Variants in ZRANB3 observed in about 807,000 individuals in gnomAD.
The protein encoded by ZRANB3 is zinc finger RANBP2-type containing 3.
In ZRANB3, 125 loss-of-function variants were observed where a neutral mutation model predicts 133.8. The observed-to-expected ratio is 0.93, with a 90% CI of 0.81 to 1.08. The LOEUF is 1.08. Among genes scored for constraint, ZRANB3 ranks in the 50% least tolerant of loss-of-function variants. The pLI is 0.00. For synonymous variants in ZRANB3, 387 were observed against 432.7 expected (o/e 0.89, Z 1.31); for missense variants, 1,229 against 1,275.5 (o/e 0.96, Z 0.56).
intron 2 of ZRANB3, among the ~76,000 whole-genome samples, chr2:135,453,287 G>T (rs534798613): frequency 6.6e-6 from 1 of 152,312 alleles, no homozygotes; most frequent in African/African-American, 2.4e-5. Flanking sequence ...GTGATGGGAG[G>T]GGCTGCTGTG....
intron 2 of ZRANB3, among the ~76,000 whole-genome samples, chr2:135,451,475 T>C (rs1237975633): frequency 1.3e-5 from 2 of 151,590 alleles, no homozygotes; most frequent in African/African-American, 4.9e-5. Context: ...AGCATGAGAA[T>C]CATTTAAACC....
chr2:135,447,602 G>A (rs750769398), intron 2 of ZRANB3, among the ~76,000 whole-genome samples: 9 of 152,140 alleles, frequency 5.9e-5, no homozygotes, highest in Non-Finnish European at 1.2e-4. Context: ...TCAGAATGAA[G>A]GGGTGGACTT....
At chr2:135,312,707 G>A (rs1683055888) in intron 8 of ZRANB3, among the ~76,000 whole-genome samples, 1 of 152,008 alleles carries the variant, frequency 6.6e-6, no homozygotes. Flanking sequence ...TAAAACCATG[G>A]GAATACTAAT....
At chr2:135,392,176 C>A (rs1289161477) in intron 2 of ZRANB3, among the ~76,000 whole-genome samples, 5 of 151,906 alleles carry the variant, frequency 3.3e-5, no homozygotes, top group African/African-American at 4.8e-5. Flanking sequence ...AGGCCAGGTA[C>A]AGTGGCTCAT....
At chr2:135,265,239 T>G (rs979230125) in intron 12 of ZRANB3, among the ~76,000 whole-genome samples, 2 of 152,194 alleles carry the variant, frequency 1.3e-5, no homozygotes, top group South Asian at 2.1e-4. Context: ...TATTTGCACA[T>G]TTTAAGGCAC....
At chr2:135,274,578 CT>C (rs911116887) in intron 9 of ZRANB3, among the ~76,000 whole-genome samples, 4 of 150,778 alleles carry the variant, frequency 2.7e-5, no homozygotes, top group South Asian at 2.1e-4. Context: ...GGCAGCATAT[CT>C]TTTTTTTTAG....
chr2:135,381,979 C>A (rs1558957476), intron 3 of ZRANB3, among the ~76,000 whole-genome samples: 1 of 152,198 alleles, frequency 6.6e-6, no homozygotes, highest in South Asian at 2.1e-4. Context: ...AGCAACAGAA[C>A]AAAGCTGGAC....
At position 135,402,828 on chromosome 2, in the gene ZRANB3, T is replaced by G. The variant is rs570836363; in HGVS notation, c.162-12008A>C. 1.8e-4 allele frequency among the ~76,000 whole-genome samples: 28 copies of G among 152,222 alleles called. 1 individual carries two copies. In the South Asian group the frequency reaches 3.7e-3, roughly 20 times the overall value. ...CTGGAACTCCTGACCTCAGGTGATC[T>G]ACCCACCTCAGCCTACCAAAGTGCG... On this transcript the variant is annotated intron_variant, in intron 2 of 20. Transcript: ENST00000264159.
intron 2 of ZRANB3, among the ~76,000 whole-genome samples, chr2:135,434,963 C>T (rs555971418): frequency 6.8e-6 from 1 of 147,164 alleles, no homozygotes; most frequent in Admixed American, 6.8e-5. Context: ...TCTTTTCTCT[C>T]TTTTTTTTTT....
intron 2 of ZRANB3, among the ~76,000 whole-genome samples, chr2:135,464,160 G>A (rs562987233): frequency 3.3e-5 from 5 of 152,308 alleles, no homozygotes; most frequent in African/African-American, 1.2e-4. Context: ...AAAAGAAAGT[G>A]TTTCTCAGAG....
At chr2:135,460,655 C>T (rs973099987) in intron 2 of ZRANB3, among the ~76,000 whole-genome samples, 1 of 152,010 alleles carries the variant, frequency 6.6e-6, no homozygotes, top group East Asian at 1.9e-4. Flanking sequence ...CATGATGAAA[C>T]TGCATAAAAT....
rs991595060 is a variant in ZRANB3 at position 135,198,803 on chromosome 2, G to C, written c.*1539C>G. On this transcript the variant is annotated 3_prime_UTR_variant, in exon 21 of 21. Coordinates refer to ENST00000264159, the MANE Select transcript of ZRANB3 (RefSeq NM_032143.4). The stretch of plus-strand genomic sequence containing the variant: ...ATTTATAAAATAACCAACATGACTT[G>C]ATCTCATACAATGAAATAGAAACTG... 8.5e-5 allele frequency: 13 copies of C among 152,156 alleles called. No homozygotes were observed. The highest frequency in any genetic ancestry group is 1.9e-4 in the Non-Finnish European group (13 of 68,028). The allele number at this position is 152,156 out of a possible 1,614,324, so 9.4% of individuals were successfully genotyped here. A position where few individuals can be genotyped will look rare whatever the true frequency, so the allele number is the denominator to read the frequency against.
At chr2:135,370,555 A>G (rs1394905786) in intron 3 of ZRANB3, among the ~76,000 whole-genome samples, 1 of 152,204 alleles carries the variant, frequency 6.6e-6, no homozygotes. Flanking sequence ...AGACTCAATA[A>G]TATTTATTTG....
In ZRANB3 at chr2:135,481,058, A is replaced by C. The variant is rs1319957496; in HGVS notation, c.161+23271T>G. On this transcript the variant is annotated intron_variant, in intron 2 of 20. Transcript: ENST00000264159. Reference sequence around the variant, plus strand: ...GTTCCAAGTCTTTGTTATTGTGAATAATGCCGCAATAAACATACGTGAGCA... The same window carrying C: ...GTTCCAAGTCTTTGTTATTGTGAATCATGCCGCAATAAACATACGTGAGCA... Among the ~76,000 whole-genome samples, 2 of 152,082 alleles carry C rather than the reference A, an allele frequency of 1.3e-5. 1 individual carries two copies. Among genetic ancestry groups the C allele is most frequent in the Admixed American group, 1.3e-4 (2 of 15,268 alleles).
intron 2 of ZRANB3, among the ~76,000 whole-genome samples, chr2:135,475,692 T>C (rs1420869499): frequency 6.6e-6 from 1 of 152,224 alleles, no homozygotes; most frequent in African/African-American, 2.4e-5. Flanking sequence ...TTCATTAGGT[T>C]ATTTTGGGGA....
chr2:135,429,069 A>G (rs1395617689), intron 2 of ZRANB3, among the ~76,000 whole-genome samples: 2 of 152,258 alleles, frequency 1.3e-5, no homozygotes, highest in Non-Finnish European at 2.9e-5. Context: ...GTTCTACCAT[A>G]AAGACACATA....
chr2:135,252,822 C>T (rs1023942101), intron 12 of ZRANB3, among the ~76,000 whole-genome samples: 2 of 152,200 alleles, frequency 1.3e-5, no homozygotes, highest in Non-Finnish European at 2.9e-5. Flanking sequence ...CCTTATCTAC[C>T]TGCATGCTGT....
intron 2 of ZRANB3, among the ~76,000 whole-genome samples, chr2:135,465,582 C>T (rs1053648157): frequency 6.6e-6 from 1 of 152,070 alleles, no homozygotes; most frequent in Non-Finnish European, 1.5e-5. Context: ...AAAGAAAACA[C>T]AGGAATTCAA....
At chr2:135,404,861 A>T (rs1687930500) in intron 2 of ZRANB3, among the ~76,000 whole-genome samples, 1 of 152,232 alleles carries the variant, frequency 6.6e-6, no homozygotes, top group Non-Finnish European at 1.5e-5. Flanking sequence ...TACGCTGCAA[A>T]ATCATGCCAA....
Sources: gnomAD v4.1 joint callset for allele counts (sites outside exome capture counted in the v4.1 genomes callset) on GRCh38, gnomAD v4.1.1 for gene constraint, MANE v1.5 for transcripts, NCBI Gene and HGNC (gene_info 2026-07-23, HGNC 2026-07-21) for gene names.